The following DGKI variants were observed in gnomAD, a reference collection of about 807,000 sequenced individuals.
DGKI encodes diacylglycerol kinase iota.
DGKI carries 55 observed loss-of-function variants against 147.5 expected under a neutral mutation model. The ratio of observed to expected loss-of-function variants is 0.37; its 90% CI spans 0.30 to 0.47. The LOEUF is 0.47. Ranked by LOEUF, DGKI falls within the 20% of genes least tolerant of loss-of-function variation. The pLI is 1.00. For synonymous variants in DGKI, 469 were observed against 477.1 expected (o/e 0.98, Z 0.22); for missense variants, 1,007 against 1,323.8 (o/e 0.76, Z 3.71).
intron 27 of DGKI, among the ~76,000 whole-genome samples, chr7:137,454,242 T>G (rs1814093850): frequency 6.6e-6 from 1 of 152,194 alleles, no homozygotes; most frequent in Admixed American, 6.5e-5. Context: ...ACAATAAATA[T>G]ATGCAATTAG....
chr7:137,519,877 A>C (rs1170147600), intron 21 of DGKI, among the ~76,000 whole-genome samples: 3 of 152,038 alleles, frequency 2.0e-5, no homozygotes, highest in Non-Finnish European at 4.4e-5. Flanking sequence ...CTTCAAATCC[A>C]AATCATTGGA....
intron 19 of DGKI, among the ~76,000 whole-genome samples, chr7:137,558,062 T>A (rs1172668620): frequency 6.6e-6 from 1 of 152,182 alleles, no homozygotes; most frequent in Non-Finnish European, 1.5e-5. Context: ...AATGGATCTA[T>A]CTCCTATTGA....
chr7:137,758,715 T>A (rs1458249973), intron 1 of DGKI, among the ~76,000 whole-genome samples: 2 of 151,590 alleles, frequency 1.3e-5, no homozygotes, highest in Non-Finnish European at 2.9e-5. Flanking sequence ...TAAAATTATA[T>A]ATATATATAT....
chr7:137,675,709 CG>C (rs1823012951), intron 3 of DGKI, among the ~76,000 whole-genome samples: 1 of 141,988 alleles, frequency 7.0e-6, no homozygotes, highest in African/African-American at 2.7e-5. Flanking sequence ...AAAAAAAAAT[CG>C]GAGACTCTCA....
intron 19 of DGKI, among the ~76,000 whole-genome samples, chr7:137,559,684 C>A (rs1266708383): frequency 6.6e-6 from 1 of 151,548 alleles, no homozygotes; most frequent in East Asian, 1.9e-4. Flanking sequence ...AGATTCTAGT[C>A]ACTACCAAAG....
intron 12 of DGKI, 78 bp downstream of exon 12, chr7:137,597,769 G>T: frequency 7.4e-7 from 1 of 1,350,956 alleles, no homozygotes. Context: ...ACTGAGCAAC[G>T]AATAAAAAGA....
chr7:137,650,293 G>A (rs897000990), intron 5 of DGKI, among the ~76,000 whole-genome samples: 1 of 152,054 alleles, frequency 6.6e-6, no homozygotes, highest in African/African-American at 2.4e-5. Flanking sequence ...ATCTAGGAGT[G>A]ATCTCCCAAA....
chr7:137,716,328 C>A (rs774202041), intron 1 of DGKI, among the ~76,000 whole-genome samples: 1 of 152,188 alleles, frequency 6.6e-6, no homozygotes, highest in Non-Finnish European at 1.5e-5. Flanking sequence ...CTTTAAATGA[C>A]TGTAAAAATT....
chr7:137,819,803 A>G (rs1797844948), intron 1 of DGKI, among the ~76,000 whole-genome samples: 1 of 152,192 alleles, frequency 6.6e-6, no homozygotes, highest in Admixed American at 6.5e-5. Flanking sequence ...TTCATCCTGC[A>G]CATGCATGCT....
At chr7:137,530,190 A>G (rs1353487099) in intron 20 of DGKI, among the ~76,000 whole-genome samples, 2 of 152,172 alleles carry the variant, frequency 1.3e-5, no homozygotes, top group African/African-American at 4.8e-5. Context: ...ATCCATGCAT[A>G]TTAAATTCAC....
chr7:137,798,802 T>C (rs1797109849), intron 1 of DGKI, among the ~76,000 whole-genome samples: 2 of 152,196 alleles, frequency 1.3e-5, no homozygotes. Flanking sequence ...ATTATACCTA[T>C]GATCAAGGAG....
chr7:137,740,113 A>G (rs901064496), intron 1 of DGKI, among the ~76,000 whole-genome samples: 1 of 152,192 alleles, frequency 6.6e-6, no homozygotes, highest in African/African-American at 2.4e-5. Context: ...AAATCCTTAC[A>G]TCAGGATTTG....
chr7:137,385,083 G>A lies in DGKI; in HGVS notation c.*6137C>T, dbSNP rs1437822979. On this transcript the variant is annotated 3_prime_UTR_variant, in exon 33 of 33. Coordinates refer to ENST00000614521, the MANE Select transcript of DGKI (RefSeq NM_001321708.2). ...TTAACTCTTAGAATATCAAACCACA[G>A]CACTTTTTTATATTGGATGGACAGT... is the stretch of plus-strand genomic sequence containing the variant. 6.6e-6 allele frequency: 1 copy of A among 151,888 alleles called. No individual in the cohort carries two copies. Among genetic ancestry groups the A allele is most frequent in the Non-Finnish European group, 1.5e-5 (1 of 67,956 alleles). The allele number at this position is 151,888 out of a possible 1,614,324, so 9.4% of individuals were successfully genotyped here.
intron 26 of DGKI, 57 bp from the exon 27 acceptor site, chr7:137,463,668 G>C (rs149679112): frequency 1.3e-6 from 2 of 1,585,874 alleles, no homozygotes; most frequent in African/African-American, 1.4e-5. Context: ...ACGTGACTTC[G>C]TTTCCACTTT....
At chr7:137,627,945 G>A (rs950281469) in intron 6 of DGKI, among the ~76,000 whole-genome samples, 1 of 152,124 alleles carries the variant, frequency 6.6e-6, no homozygotes, top group Admixed American at 6.5e-5. Flanking sequence ...AACACTAAGT[G>A]GTTATAAGCA....
chr7:137,829,085 A>T (rs1005419783), intron 1 of DGKI, among the ~76,000 whole-genome samples: 2 of 152,206 alleles, frequency 1.3e-5, no homozygotes, highest in Non-Finnish European at 2.9e-5. Flanking sequence ...ACTATTTTAG[A>T]TGGCAAAACA....
intron 1 of DGKI, among the ~76,000 whole-genome samples, chr7:137,764,499 A>G (rs1296436252): frequency 6.6e-6 from 1 of 152,052 alleles, no homozygotes; most frequent in Non-Finnish European, 1.5e-5. Context: ...CATTTCGTTC[A>G]TTTCCACCCG....
At chr7:137,726,729 C>T (rs566898200) in intron 1 of DGKI, among the ~76,000 whole-genome samples, 21 of 152,274 alleles carry the variant, frequency 1.4e-4, no homozygotes, top group African/African-American at 2.4e-4. Context: ...ATTCCTAAAA[C>T]GTTGTCCCTT....
chr7:137,470,932 T>C (rs1010841192), intron 23 of DGKI, among the ~76,000 whole-genome samples: 1 of 152,176 alleles, frequency 6.6e-6, no homozygotes, highest in Non-Finnish European at 1.5e-5. Context: ...GTTCCCAAAC[T>C]TCCTTGAAGT....
Sources: gnomAD v4.1 joint callset for allele counts (sites outside exome capture counted in the v4.1 genomes callset) on GRCh38, gnomAD v4.1.1 for gene constraint, MANE v1.5 for transcripts, NCBI Gene and HGNC (gene_info 2026-07-23, HGNC 2026-07-21) for gene names.